TMTC2: variants seen among roughly 807,000 people sequenced by gnomAD.
The protein encoded by TMTC2 is transmembrane O-mannosyltransferase targeting cadherins 2, also known as protein O-mannosyl-transferase TMTC2.
Under a neutral mutation model 82.4 loss-of-function variants are expected in TMTC2, and 43 were observed. The ratio of observed to expected loss-of-function variants is 0.52; its 90% CI spans 0.41 to 0.67. The LOEUF (loss-of-function observed/expected upper bound fraction) is 0.67, where lower values mean the gene tolerates loss of function less well. TMTC2 is among the 30% of genes least tolerant of loss of function. The pLI, the probability that TMTC2 is intolerant of heterozygous loss-of-function variation, is 0.00. For missense variants in TMTC2, 919 were observed against 1,012.4 expected (o/e 0.91, Z 1.25); for synonymous variants, 408 against 381.9 (o/e 1.07, Z -0.80).
chr12:83,027,089 C>A (rs1181710648), intron 8 of TMTC2, among the ~76,000 whole-genome samples: 1 of 151,984 alleles, frequency 6.6e-6, no homozygotes, highest in East Asian at 1.9e-4. Flanking sequence ...TCAATACAGT[C>A]CGTTTTTCTT....
At chr12:82,963,429 C>T (rs1192369589) in intron 4 of TMTC2, among the ~76,000 whole-genome samples, 1 of 151,562 alleles carries the variant, frequency 6.6e-6, no homozygotes, top group Non-Finnish European at 1.5e-5. Flanking sequence ...TGCACTTACC[C>T]TTCTATCAAG....
chr12:82,964,427 C>T (rs1878094867), intron 4 of TMTC2, among the ~76,000 whole-genome samples: 1 of 152,004 alleles, frequency 6.6e-6, no homozygotes, highest in African/African-American at 2.4e-5. Flanking sequence ...GCATAGTGTT[C>T]CGAAATCCAG....
intron 3 of TMTC2, among the ~76,000 whole-genome samples, chr12:82,907,646 A>G (rs1357464577): frequency 6.6e-6 from 1 of 152,130 alleles, no homozygotes; most frequent in Non-Finnish European, 1.5e-5. Flanking sequence ...TGACTCTTAA[A>G]ATTACCCACA....
At chr12:82,709,756 G>A (rs1873537865) in intron 1 of TMTC2, among the ~76,000 whole-genome samples, 1 of 152,092 alleles carries the variant, frequency 6.6e-6, no homozygotes, top group Non-Finnish European at 1.5e-5. Context: ...TTATTTAAAG[G>A]GTATCATAAT....
At chr12:82,903,354 G>T (rs1459972280) in intron 3 of TMTC2, among the ~76,000 whole-genome samples, 1 of 152,062 alleles carries the variant, frequency 6.6e-6, no homozygotes, top group Admixed American at 6.5e-5. Context: ...TGAACGTGTT[G>T]TCAGCATACA....
intron 2 of TMTC2, among the ~76,000 whole-genome samples, chr12:82,860,283 T>G (rs74106148): frequency 0.071 from 10,748 of 152,176 alleles, 1,048 homozygotes; most frequent in African/African-American, 0.22. Context: ...ATTTTATAGA[T>G]TTTTAAGGAC....
intron 1 of TMTC2, among the ~76,000 whole-genome samples, chr12:82,824,047 C>T (rs1408399314): frequency 6.6e-6 from 1 of 152,130 alleles, no homozygotes; most frequent in East Asian, 1.9e-4. Flanking sequence ...GCGTCCACCA[C>T]CAGGCCCAGC....
chr12:83,057,312 G>T (rs997650833), intron 10 of TMTC2, among the ~76,000 whole-genome samples: 3 of 151,990 alleles, frequency 2.0e-5, no homozygotes, highest in East Asian at 1.9e-4. Flanking sequence ...TATATTGTCA[G>T]CGTAGTTTTT....
intron 11 of TMTC2, among the ~76,000 whole-genome samples, chr12:83,082,545 G>T (rs946079096): frequency 6.6e-6 from 1 of 152,170 alleles, no homozygotes; most frequent in African/African-American, 2.4e-5. Context: ...TATATATCAA[G>T]TTTTTATTTA....
At chr12:83,109,943 G>A (rs1262879245) in intron 11 of TMTC2, among the ~76,000 whole-genome samples, 1 of 151,954 alleles carries the variant, frequency 6.6e-6, no homozygotes, top group African/African-American at 2.4e-5. Flanking sequence ...CTCAAAGATG[G>A]GTGACAATTG....
intron 11 of TMTC2, among the ~76,000 whole-genome samples, chr12:83,070,674 G>A (rs1883077316): frequency 6.6e-6 from 1 of 152,128 alleles, no homozygotes; most frequent in African/African-American, 2.4e-5. Flanking sequence ...CGATTTGGAT[G>A]CCCCTTATTT....
At chr12:82,890,436 T>C (rs61931364) in intron 2 of TMTC2, among the ~76,000 whole-genome samples, 4,319 of 152,272 alleles carry the variant, frequency 0.028, 82 homozygotes, top group Non-Finnish European at 0.044. Flanking sequence ...ATTCAATTTG[T>C]CCCAGAGCCT....
At chr12:82,872,019 C>G in intron 2 of TMTC2, among the ~76,000 whole-genome samples, 1 of 142,034 alleles carries the variant, frequency 7.0e-6, no homozygotes, top group Non-Finnish European at 1.5e-5. Context: ...CCCCCCCCGC[C>G]CACACCCCGC....
At chr12:82,893,297 G>A (rs1873487621) in intron 2 of TMTC2, among the ~76,000 whole-genome samples, 1 of 151,558 alleles carries the variant, frequency 6.6e-6, no homozygotes, top group East Asian at 1.9e-4. Flanking sequence ...CTTGAACCTG[G>A]GAGGTAGAGG....
At position 82,739,370 on chromosome 12, in the gene TMTC2, G is replaced by A. The variant is rs79880098; in HGVS notation, c.83+51701G>A. Among the ~76,000 whole-genome samples, 644 of 152,098 alleles carry A rather than the reference G, an allele frequency of 4.2e-3. 3 individuals are homozygous for A. The highest frequency in any genetic ancestry group is 0.015 in the African/African-American group (603 of 41,492). On this transcript the variant is annotated intron_variant, in intron 1 of 11. Coordinates refer to ENST00000321196, the MANE Select transcript of TMTC2 (RefSeq NM_152588.3). ...AGGTGTGGCCATATGATTTAGTTCTGGGTGGAGAAGAGATATGTGTAACTT... is the reference window on the plus strand; with the variant it reads ...AGGTGTGGCCATATGATTTAGTTCTAGGTGGAGAAGAGATATGTGTAACTT...
intron 11 of TMTC2, among the ~76,000 whole-genome samples, chr12:83,080,667 A>G (rs1261539914): frequency 1.3e-5 from 2 of 152,192 alleles, no homozygotes; most frequent in Non-Finnish European, 2.9e-5. Flanking sequence ...GTGTAACATT[A>G]CCTACCAAAA....
At chr12:82,957,770 A>G (rs763009693) in intron 4 of TMTC2, among the ~76,000 whole-genome samples, 6 of 152,268 alleles carry the variant, frequency 3.9e-5, no homozygotes, top group Non-Finnish European at 7.4e-5. Context: ...AAATGGATAA[A>G]TTCCTGGAAA....
intron 3 of TMTC2, among the ~76,000 whole-genome samples, chr12:82,897,476 G>A (rs1454329790): frequency 6.6e-6 from 1 of 152,168 alleles, no homozygotes; most frequent in Non-Finnish European, 1.5e-5. Flanking sequence ...AATTTTTAGT[G>A]CAGAAATATA....
intron 2 of TMTC2, among the ~76,000 whole-genome samples, chr12:82,883,970 C>A (rs1294218766): frequency 2.6e-5 from 4 of 152,112 alleles, no homozygotes; most frequent in Non-Finnish European, 4.4e-5. Flanking sequence ...TTGTGGCTAC[C>A]CTGATTTGAC....
Sources: gnomAD v4.1 joint callset for allele counts (sites outside exome capture counted in the v4.1 genomes callset) on GRCh38, gnomAD v4.1.1 for gene constraint, MANE v1.5 for transcripts, NCBI Gene and HGNC (gene_info 2026-07-23, HGNC 2026-07-21) for gene names.